The following COPA variants were observed in gnomAD, a reference collection of about 807,000 sequenced individuals.
COPA encodes coat protein complex I subunit alpha.
A neutral mutation model predicts 158.7 loss-of-function variants in COPA; 10 were observed. The ratio of observed to expected loss-of-function variants is 0.06; its 90% CI spans 0.04 to 0.11. COPA has a LOEUF of 0.11. Among genes scored for constraint, COPA ranks in the 10% least tolerant of loss-of-function variants. COPA has a pLI of 1.00. For synonymous variants in COPA, 462 were observed against 542.8 expected, an observed-to-expected ratio of 0.85 and a Z score of 2.07; for missense variants, 1,065 against 1,536.7, an observed-to-expected ratio of 0.69 and a Z score of 5.13.
chr1:160,298,719 A>AT, intron 19 of COPA, 126 bp downstream of exon 19: 1 of 1,242,566 alleles, frequency 8.0e-7, no homozygotes, highest in Non-Finnish European at 1.1e-6. Flanking sequence ...CAATGTAACA[A>AT]CTAAAAAAAA....
intron 8 of COPA, chr1:160,317,595 C>T: frequency 5.1e-6 from 8 of 1,577,174 alleles, no homozygotes; most frequent in African/African-American, 1.3e-5. Flanking sequence ...TCAGGTTTCT[C>T]TTTGAGGGTC....
Position 160,298,878 on chromosome 1 carries a change from G to A in COPA, c.1944C>T (p.Arg648=). The change falls in exon 19 of 33, where the codon CGC becomes CGT. Residue 648 remains arginine (R), a synonymous_variant. Coordinates refer to ENST00000241704, the MANE Select transcript of COPA (RefSeq NM_004371.4). ...ALHFVKDEKT[R]FSLALECGNI... ...TTCCACACTCCAGTGCCAGACTAAA[G>A]CGAGTTTTCTCATCCTTGACAAAAT... 2 of 1,614,084 alleles carry A rather than the reference G, an allele frequency of 1.2e-6. No individual in the cohort carries two copies. The highest frequency in any genetic ancestry group is 1.6e-4 in the Middle Eastern group (1 of 6,062).
At chr1:160,293,594 A>G in intron 25 of COPA, 131 bp from the exon 26 acceptor site, 1 of 686,798 alleles carries the variant, frequency 1.5e-6, no homozygotes, top group Non-Finnish European at 2.4e-6. Flanking sequence ...TCCCATGCTC[A>G]AGCAATCCTC....
intron 8 of COPA, among the ~76,000 whole-genome samples, chr1:160,322,762 A>T (rs187155354): frequency 6.6e-6 from 1 of 152,356 alleles, no homozygotes; most frequent in East Asian, 1.9e-4. Flanking sequence ...TAGTATAGTC[A>T]CAATGGAGAA....
At chr1:160,307,311 G>T in intron 13 of COPA, 66 bp from the exon 14 acceptor site, 1 of 1,470,358 alleles carries the variant, frequency 6.8e-7, no homozygotes, top group Non-Finnish European at 9.5e-7. Flanking sequence ...ATAGTCGGGT[G>T]CCATGGAGCT....
chr1:160,300,061 C>G (rs1004121948), intron 17 of COPA, among the ~76,000 whole-genome samples: 4 of 152,040 alleles, frequency 2.6e-5, no homozygotes, highest in African/African-American at 9.7e-5. Flanking sequence ...TCAAACTGGC[C>G]AGGTACAGTG....
chr1:160,335,284 C>T lies in COPA; in HGVS notation c.267G>A (p.Leu89=). The T allele has an allele frequency of 1.2e-6, 2 of 1,612,066 alleles. No homozygotes were observed. Among genetic ancestry groups the T allele is most frequent in the Non-Finnish European group, 1.7e-6 (2 of 1,179,008 alleles). ...NYKLRRCLFT[L]LGHLDYIRTT... ...TGCGAATATAATCTAAGTGCCCAAG[C>T]AATGTGAAAAGACAGCGCCGAAGCT... The change falls in exon 4 of 33, where the codon TTG becomes TTA. Residue 89 remains leucine, a synonymous_variant. Coordinates refer to ENST00000241704, the MANE Select transcript of COPA (RefSeq NM_004371.4).
At chr1:160,334,119 G>C (rs4656898) in intron 4 of COPA, among the ~76,000 whole-genome samples, 96,177 of 152,048 alleles carry the variant, frequency 0.63, 32,065 homozygotes, top group African/African-American at 0.86. Flanking sequence ...GTCTCAGCAA[G>C]CAAAGCAGAA....
chr1:160,330,895 T>C (rs1320542202), intron 6 of COPA, among the ~76,000 whole-genome samples: 1 of 152,134 alleles, frequency 6.6e-6, no homozygotes, highest in Non-Finnish European at 1.5e-5. Context: ...AACAACAGGC[T>C]GGGCATGGTG....
Position 160,297,419 on chromosome 1 carries a change from C to T in COPA, c.2187G>A (p.Met729Ile), listed in dbSNP as rs1303515989. The T allele has an allele frequency of 6.2e-7, 1 of 1,614,172 alleles. No individual in the cohort carries two copies. The highest frequency in any genetic ancestry group is 8.5e-7 in the Non-Finnish European group (1 of 1,180,030). ...ATAGGGCATTCTGATAGTGGCCACTCATGTCCTTTCTGATCTCAGCTGCAC... is the reference window on the plus strand; with the variant it reads ...ATAGGGCATTCTGATAGTGGCCACTTATGTCCTTTCTGATCTCAGCTGCAC... ...MMKIAEIRKD[M>I]SGHYQNALYL... is the part of the protein sequence containing the mutation. Residue 729 changes from methionine to isoleucine, a missense_variant, in exon 21 of 33, where the codon ATG becomes ATA. Physicochemically the swap from Met to Ile is conservative, Grantham distance 10. Coordinates refer to ENST00000241704, the MANE Select transcript of COPA (RefSeq NM_004371.4).
intron 28 of COPA, 93 bp downstream of exon 28, chr1:160,292,391 C>G (rs924033887): frequency 4.4e-6 from 7 of 1,599,130 alleles, no homozygotes; most frequent in Non-Finnish European, 6.0e-6. Flanking sequence ...GAAACCCTAG[C>G]TCTGAGAGAA....
intron 17 of COPA, 136 bp downstream of exon 17, chr1:160,305,297 T>C: frequency 1.4e-6 from 1 of 738,350 alleles, no homozygotes. Flanking sequence ...AATGTTCTGA[T>C]GCCCCTTGCA....
At chr1:160,291,290 G>C in intron 31 of COPA, 45 bp downstream of exon 31, 1 of 1,607,200 alleles carries the variant, frequency 6.2e-7, no homozygotes, top group Non-Finnish European at 8.5e-7. Context: ...CTCCATGTAA[G>C]AGCTGATCTG....
chr1:160,310,587 CCA>C (rs1180079154), intron 11 of COPA: 3 of 169,058 alleles, frequency 1.8e-5, no homozygotes, highest in East Asian at 1.6e-4. Context: ...GCAGTGGACA[CCA>C]CAGAGTAACA....
intron 8 of COPA, among the ~76,000 whole-genome samples, chr1:160,314,838 G>A (rs143598505): frequency 1.3e-5 from 2 of 152,116 alleles, no homozygotes; most frequent in East Asian, 1.9e-4. Context: ...TATCTCCAGA[G>A]CCTTAAACAA....
chr1:160,295,771 G>C lies in COPA; in HGVS notation c.2441C>G (p.Ser814Cys). The C allele has an allele frequency of 3.1e-6, 5 of 1,611,882 alleles. No individual in the cohort carries two copies. Among genetic ancestry groups the C allele is most frequent in the Non-Finnish European group, 3.4e-6 (4 of 1,179,480 alleles). The change falls in exon 23 of 33, where the codon TCC becomes TGC. Residue 814 changes from serine to cysteine, a missense_variant. This residue lies in a region of COPA where 980 missense variants were observed against 1,357.8 expected (regional missense o/e 0.72). Coordinates refer to ENST00000241704, the MANE Select transcript of COPA (RefSeq NM_004371.4). ...AATGGTGCCTTCAAAAAATCCTTTG[G>C]ATACAGTCAATAAAGGCCAATTGGT... ...LDTNWPLLTV[S>C]KGFFEGTIAS...
At chr1:160,295,990 TA>T (rs1658389603) in intron 22 of COPA, 70 bp downstream of exon 22, 1 of 1,584,278 alleles carries the variant, frequency 6.3e-7, no homozygotes, top group Non-Finnish European at 8.7e-7. Flanking sequence ...GTGACATTCA[TA>T]ATTTTAAATT....
At chr1:160,322,940 C>T (rs1176653284) in intron 8 of COPA, among the ~76,000 whole-genome samples, 1 of 151,924 alleles carries the variant, frequency 6.6e-6, no homozygotes. Flanking sequence ...ACGGAATCAA[C>T]TTAAGTGCTC....
chr1:160,337,473 A>C (rs774500170), intron 3 of COPA, among the ~76,000 whole-genome samples: 3 of 152,236 alleles, frequency 2.0e-5, no homozygotes, highest in Non-Finnish European at 2.9e-5. Flanking sequence ...TAATCCCAGC[A>C]CTTTGGGAGG....
Sources: allele counts gnomAD v4.1 joint callset (sites outside exome capture counted in the v4.1 genomes callset), GRCh38; gene constraint gnomAD v4.1.1; regional missense constraint gnomAD v4.1.1; transcripts MANE v1.5; gene names NCBI Gene and HGNC (gene_info 2026-07-23, HGNC 2026-07-21).